The following LIMA1 variants were observed in gnomAD, a reference collection of about 807,000 sequenced individuals.
The protein encoded by LIMA1 is LIM domain and actin binding 1.
LIMA1 carries 52 observed loss-of-function variants against 62.6 expected under a neutral mutation model. That is an observed-to-expected ratio of 0.83 (90% CI 0.67 to 1.05). The LOEUF (loss-of-function observed/expected upper bound fraction) is 1.05. LIMA1 is among the 50% of genes least tolerant of loss of function. The pLI is 0.00. For missense variants in LIMA1, 780 were observed against 902.2 expected (o/e 0.86, Z 1.74); for synonymous variants, 302 against 317.8 (o/e 0.95, Z 0.53).
intron 1 of LIMA1, among the ~76,000 whole-genome samples, chr12:50,276,343 T>C (rs1406840009): frequency 1.3e-5 from 2 of 152,158 alleles, no homozygotes; most frequent in Admixed American, 6.5e-5. Flanking sequence ...ATGCATGGCG[T>C]ACAGGGACTA....
chr12:50,185,567 C>A, intron 9 of LIMA1: 1 of 433,560 alleles, frequency 2.3e-6, no homozygotes, highest in Admixed American at 2.6e-5. Context: ...CCACATTTTT[C>A]TTTTTTTCCT....
In LIMA1 at chr12:50,195,874, T is replaced by G; in HGVS notation, c.986A>C (p.Glu329Ala). Residue 329 changes from glutamate (E) to alanine (A), a missense_variant, in exon 8 of 11, where the codon GAG becomes GCG. Coordinates refer to ENST00000341247, the MANE Select transcript of LIMA1 (RefSeq NM_016357.5). ...HQEGEKISAN[E>A]NSLAVRSTPA... Reference sequence around the variant, plus strand: ...GGTGGAACGGACTGCCAGGCTATTCTCATTTGCAGAAATCTACAAAAAAAA... The same window carrying G: ...GGTGGAACGGACTGCCAGGCTATTCGCATTTGCAGAAATCTACAAAAAAAA... 1.3e-6 allele frequency: 2 copies of G among 1,483,674 alleles called. No homozygotes were observed. Among genetic ancestry groups the G allele is most frequent in the Non-Finnish European group, 1.8e-6 (2 of 1,096,228 alleles). The allele number at this position is 1,483,674 out of a possible 1,614,324, so 91.9% of individuals were successfully genotyped here.
chr12:50,234,091 T>C (rs1428509333), intron 2 of LIMA1: 5 of 457,844 alleles, frequency 1.1e-5, no homozygotes, highest in Non-Finnish European at 2.2e-5. Flanking sequence ...TTGGAAGACC[T>C]CTGAGAAAAA....
intron 2 of LIMA1, among the ~76,000 whole-genome samples, chr12:50,234,816 C>A (rs115088546): frequency 0.01 from 1,593 of 152,164 alleles, 25 homozygotes; most frequent in African/African-American, 0.035. Context: ...GAGTTCGAGA[C>A]CAGACTGCGC....
intron 2 of LIMA1, among the ~76,000 whole-genome samples, chr12:50,239,153 G>C (rs1941737830): frequency 1.3e-5 from 2 of 151,796 alleles, no homozygotes; most frequent in Admixed American, 6.6e-5. Flanking sequence ...TTACAATTTA[G>C]ACACTAAAAA....
chr12:50,276,400 A>T (rs773719509), intron 1 of LIMA1, among the ~76,000 whole-genome samples: 37 of 152,210 alleles, frequency 2.4e-4, no homozygotes, highest in Non-Finnish European at 4.8e-4. Context: ...TGGAACTCAG[A>T]TATACAAAGG....
chr12:50,219,525 T>A (rs148894431), intron 4 of LIMA1: 2 of 152,156 alleles, frequency 1.3e-5, no homozygotes, highest in East Asian at 3.9e-4. Flanking sequence ...TCTAGACTGT[T>A]TTCAGTATGG....
intron 3 of LIMA1, among the ~76,000 whole-genome samples, chr12:50,225,383 C>T (rs1257669046): frequency 1.3e-5 from 2 of 152,134 alleles, no homozygotes; most frequent in African/African-American, 2.4e-5. Context: ...CTCTCCCAAC[C>T]TAGATACCCA....
intron 2 of LIMA1, among the ~76,000 whole-genome samples, chr12:50,232,772 A>C (rs1363756728): frequency 1.3e-5 from 2 of 152,212 alleles, no homozygotes; most frequent in Non-Finnish European, 2.9e-5. Context: ...GGATCGCCTG[A>C]GGTCAGGAGT....
intron 1 of LIMA1, among the ~76,000 whole-genome samples, chr12:50,267,261 T>C (rs1218366564): frequency 6.6e-6 from 1 of 152,040 alleles, no homozygotes; most frequent in Non-Finnish European, 1.5e-5. Flanking sequence ...TTAGTAGAGA[T>C]GGGGTTTCAC....
intron 1 of LIMA1, among the ~76,000 whole-genome samples, chr12:50,265,236 G>A (rs1356357922): frequency 6.6e-6 from 1 of 151,962 alleles, no homozygotes; most frequent in African/African-American, 2.4e-5. Flanking sequence ...TTTAAAACAT[G>A]GCTGGCCAGG....
Position 50,177,796 on chromosome 12 carries a change from C to T in LIMA1, c.1548G>A (p.Gln516=). 1 of 1,614,112 alleles carries T rather than the reference C, an allele frequency of 6.2e-7. No individual in the cohort carries two copies. Among genetic ancestry groups the T allele is most frequent in the South Asian group, 1.1e-5 (1 of 91,068 alleles). Residue 516 remains glutamine (Q), a synonymous_variant, in exon 11 of 11, where the codon CAG becomes CAA. Transcript: ENST00000341247. The part of the protein sequence containing the change: ...ASMEAKASSQ[Q]EKEDKPAETK... ...TTTCAGCTGGCTTGTCTTCCTTCTCCTGCTGAGAGGAGGCCTTGGCTTCCA... is the reference window on the plus strand; with the variant it reads ...TTTCAGCTGGCTTGTCTTCCTTCTCTTGCTGAGAGGAGGCCTTGGCTTCCA...
At chr12:50,242,070 T>G (rs1463248267) in intron 2 of LIMA1, among the ~76,000 whole-genome samples, 1 of 147,762 alleles carries the variant, frequency 6.8e-6, no homozygotes, top group East Asian at 2.1e-4. Flanking sequence ...GACGCTAAAA[T>G]TATCTGGGGA....
chr12:50,231,621 C>T, intron 3 of LIMA1, 44 bp downstream of exon 3: 1 of 1,595,538 alleles, frequency 6.3e-7, no homozygotes, highest in East Asian at 2.2e-5. Flanking sequence ...CCACACAATT[C>T]TGCTCAAGAA....
In LIMA1 at chr12:50,222,007, C is replaced by T. The variant is rs374904713; in HGVS notation, c.630+14G>A. On this transcript the variant is annotated intron_variant, in intron 4 of 10. Coordinates refer to ENST00000341247, the MANE Select transcript of LIMA1 (RefSeq NM_016357.5). ...AATTGGCTTTCTCAAGTTTCAAACC[C>T]GCCCAATTCTTACCTTAGTTTGAGT... is the stretch of plus-strand genomic sequence containing the variant. 1.8e-5 allele frequency: 29 copies of T among 1,588,360 alleles called. No individual in the cohort carries two copies. The highest frequency in any genetic ancestry group is 1.6e-4 in the South Asian group (14 of 86,382).
At chr12:50,211,526 G>A (rs1733194807) in intron 4 of LIMA1, among the ~76,000 whole-genome samples, 1 of 151,496 alleles carries the variant, frequency 6.6e-6, no homozygotes, top group South Asian at 2.1e-4. Flanking sequence ...GGTGATGCCT[G>A]CAGTCCCAGC....
chr12:50,215,839 T>C (rs1941335764), intron 4 of LIMA1, among the ~76,000 whole-genome samples: 2 of 151,980 alleles, frequency 1.3e-5, no homozygotes, highest in African/African-American at 4.8e-5. Context: ...CACTTGAGGC[T>C]GGGAGTTCGA....
intron 2 of LIMA1, among the ~76,000 whole-genome samples, chr12:50,246,354 G>C (rs1288771383): frequency 1.3e-5 from 2 of 152,062 alleles, no homozygotes; most frequent in African/African-American, 4.8e-5. Flanking sequence ...GGTGAAAAGG[G>C]TAAGAACGTG....
intron 2 of LIMA1, among the ~76,000 whole-genome samples, chr12:50,235,060 G>C (rs1162466328): frequency 6.6e-6 from 1 of 151,996 alleles, no homozygotes; most frequent in Non-Finnish European, 1.5e-5. Flanking sequence ...AGCCTTGCAA[G>C]AAGCTGGGTC....
Sources: gnomAD v4.1 joint callset for allele counts (sites outside exome capture counted in the v4.1 genomes callset) on GRCh38, gnomAD v4.1.1 for gene constraint, MANE v1.5 for transcripts, NCBI Gene and HGNC (gene_info 2026-07-23, HGNC 2026-07-21) for gene names.